WSCD1: variants seen among roughly 807,000 people sequenced by gnomAD.
WSCD1 encodes WSC domain sialate O sulfotransferase 1.
A neutral mutation model predicts 60.4 loss-of-function variants in WSCD1; 41 were observed. The observed-to-expected ratio is 0.68, with a 90% CI of 0.53 to 0.88. The LOEUF (loss-of-function observed/expected upper bound fraction) is 0.88. Ranked by LOEUF, WSCD1 falls within the 40% of genes least tolerant of loss-of-function variation. WSCD1 has a pLI of 0.00. For missense variants in WSCD1, 784 were observed against 796.2 expected, an observed-to-expected ratio of 0.98 and a Z score of 0.18; for synonymous variants, 361 against 332.5, an observed-to-expected ratio of 1.09 and a Z score of -0.93.
intron 5 of WSCD1, among the ~76,000 whole-genome samples, chr17:6,096,115 C>T (rs150099178): frequency 1.7e-4 from 26 of 152,282 alleles, no homozygotes; most frequent in Admixed American, 1.3e-3. Context: ...CTGTTCCAAG[C>T]GCTTTATGGG....
At chr17:6,106,542 T>C (rs1597367049) in intron 5 of WSCD1, among the ~76,000 whole-genome samples, 2 of 152,294 alleles carry the variant, frequency 1.3e-5, no homozygotes, top group South Asian at 4.1e-4. Context: ...TATATGACAT[T>C]CCAGTATAGA....
Position 6,110,500 on chromosome 17 carries a change from A to G in WSCD1, c.1010-271A>G, listed in dbSNP as rs1911348605. Among the ~76,000 whole-genome samples the G allele has an allele frequency of 6.6e-6, 1 of 152,162 alleles. No individual in the cohort carries two copies. The highest frequency in any genetic ancestry group is 6.5e-5 in the Admixed American group (1 of 15,280). On this transcript the variant is annotated intron_variant, in intron 6 of 8. Coordinates refer to ENST00000317744, the MANE Select transcript of WSCD1 (RefSeq NM_015253.2). The surrounding 1 kb of genome is among the most constrained non-coding windows in gnomAD (Gnocchi z 4.8). ...CAAGAGTTTGGCTGTGGCCATAGAG[A>G]CAGAATGGGAGTCGAGGGTCCATAG...
Position 6,100,741 on chromosome 17 carries a change from C to CG in WSCD1, c.849+5518_849+5519insG, listed in dbSNP as rs1910750193. Among the ~76,000 whole-genome samples the CG allele has an allele frequency of 7.9e-5, 12 of 152,334 alleles. No individual in the cohort carries two copies. In the South Asian group the frequency reaches 2.5e-3, roughly 32 times the overall value. ...TAGATGCCAACAGCCCATATTCCCT[C>CG]AGTTGTGACACACAGTCCCCACACA... On this transcript the variant is annotated intron_variant, in intron 5 of 8. Coordinates refer to ENST00000317744, the MANE Select transcript of WSCD1 (RefSeq NM_015253.2).
chr17:6,117,418 A>G (rs1904353927), intron 7 of WSCD1, among the ~76,000 whole-genome samples: 1 of 152,190 alleles, frequency 6.6e-6, no homozygotes, highest in Non-Finnish European at 1.5e-5. Flanking sequence ...ACCTGCTCAC[A>G]GCCATTGAAT....
In WSCD1 at chr17:6,075,510, C is replaced by T. The variant is rs1289692799; in HGVS notation, c.-289+4858C>T. Among the ~76,000 whole-genome samples, 7 of 152,156 alleles carry T rather than the reference C, an allele frequency of 4.6e-5. No individual in the cohort carries two copies. Among genetic ancestry groups the T allele is most frequent in the Admixed American group, 2.6e-4 (4 of 15,284 alleles). ...TCAGGCTGGGCAGTTGCTGCTCCCT[C>T]GGTCCCAGATGGCAACAAAGTAATA... On this transcript the variant is annotated intron_variant, in intron 1 of 8. Transcript: ENST00000317744. This position sits in a 1 kb window ranked among gnomAD's most constrained non-coding sequence, Gnocchi z 4.1.
At chr17:6,090,634 T>C (rs1909973176) in intron 4 of WSCD1, 129 bp downstream of exon 4, 5 of 1,277,074 alleles carry the variant, frequency 3.9e-6, no homozygotes, top group Middle Eastern at 5.2e-4. Flanking sequence ...CCCTTCCCTA[T>C]TGCCATCACT....
In WSCD1 at chr17:6,102,284, T is replaced by A. The variant is rs1033271957; in HGVS notation, c.849+7061T>A. On this transcript the variant is annotated intron_variant, in intron 5 of 8. Transcript: ENST00000317744. ...CTGCTCTTGCAAAATCCACTTGGATTCCAATAGATTCGGTCTATCCAAGGT... is the reference window on the plus strand; with the variant it reads ...CTGCTCTTGCAAAATCCACTTGGATACCAATAGATTCGGTCTATCCAAGGT... Among the ~76,000 whole-genome samples, 7 of 152,256 alleles carry A rather than the reference T, an allele frequency of 4.6e-5. 1 individual carries two copies. The highest frequency in any genetic ancestry group is 4.6e-4 in the Admixed American group (7 of 15,286).
At chr17:6,098,718 T>C (rs1323614296) in intron 5 of WSCD1, among the ~76,000 whole-genome samples, 2 of 152,176 alleles carry the variant, frequency 1.3e-5, no homozygotes, top group African/African-American at 4.8e-5. Flanking sequence ...TTTGCAGCTG[T>C]GAGGAACAGA....
chr17:6,069,425 GTGTGAGAGAGA>G (rs1567546275), upstream of WSCD1: 22 of 232,448 alleles, frequency 9.5e-5, no homozygotes, highest in African/African-American at 9.1e-4. Flanking sequence ...GTGTGTGTGT[GTGTGAGAGAGA>G]GAGAGAGAGA....
chr17:6,080,343 A>T lies in WSCD1; in HGVS notation c.-288-28A>T. On this transcript the variant is annotated intron_variant, in intron 1 of 8. Coordinates refer to ENST00000317744, the MANE Select transcript of WSCD1 (RefSeq NM_015253.2). This position sits in a 1 kb window ranked among gnomAD's most constrained non-coding sequence, Gnocchi z 6.6. ...GCCAGGTAGTGGACCCGCCTATTAC[A>T]TCTCGGTGCTCTTTCTCCACCTTCC... is the stretch of plus-strand genomic sequence containing the variant. The T allele has an allele frequency of 2.5e-6, 1 of 396,070 alleles. No individual in the cohort carries two copies. The highest frequency in any genetic ancestry group is 3.0e-5 in the South Asian group (1 of 33,510). 24.5% of individuals were successfully genotyped at this position (396,070 alleles called of 1,614,324 possible).
At chr17:6,094,814 G>GGAAGGAAT in intron 4 of WSCD1, among the ~76,000 whole-genome samples, 1 of 152,052 alleles carries the variant, frequency 6.6e-6, no homozygotes, top group Non-Finnish European at 1.5e-5. Flanking sequence ...GAGGAAGGGA[G>GGAAGGAAT]GAAGGAATGA....
At chr17:6,084,108 G>A (rs1174181826) in intron 2 of WSCD1, among the ~76,000 whole-genome samples, 2 of 152,184 alleles carry the variant, frequency 1.3e-5, no homozygotes, top group African/African-American at 4.8e-5. Flanking sequence ...TGCCTCCCCA[G>A]TGGCTCCCAG....
chr17:6,099,839 C>T (rs1364260934), intron 5 of WSCD1, among the ~76,000 whole-genome samples: 4 of 152,172 alleles, frequency 2.6e-5, no homozygotes, highest in Admixed American at 2.6e-4. Flanking sequence ...CCCCCTCCCT[C>T]TGTCTCTGTA....
rs1904804549 is a variant in WSCD1, at chr17:6,122,944, A to C, written c.*2283A>C. On this transcript the variant is annotated 3_prime_UTR_variant, in exon 9 of 9. Transcript: ENST00000317744. ...ACTTGGCAGGTACTCCTGGATGTTG[A>C]TGAGCAAGGAAGAGCAACGGCCCTG... 6.6e-6 allele frequency: 1 copy of C among 152,264 alleles called. No individual in the cohort carries two copies. The highest frequency in any genetic ancestry group is 2.1e-4 in the South Asian group (1 of 4,828). 9.4% of individuals were successfully genotyped at this position (152,264 alleles called of 1,614,324 possible).
At chr17:6,086,250 C>CAT (rs61690560) in intron 2 of WSCD1, among the ~76,000 whole-genome samples, 7,290 of 98,032 alleles carry the variant, frequency 0.074, 819 homozygotes, top group Middle Eastern at 0.12. Flanking sequence ...GTCCTGACTT[C>CAT]ATATATATAT....
intron 4 of WSCD1, 136 bp from the exon 5 acceptor site, chr17:6,094,966 T>G: frequency 7.4e-5 from 100 of 1,344,024 alleles, no homozygotes; most frequent in Middle Eastern, 2.7e-4. Flanking sequence ...GCAGGGCCGT[T>G]TTCCCTCCCT....
At position 6,088,178 on chromosome 17, in the gene WSCD1, T is replaced by C; in HGVS notation, c.542+74T>C. On this transcript the variant is annotated intron_variant, in intron 3 of 8. Coordinates refer to ENST00000317744, the MANE Select transcript of WSCD1 (RefSeq NM_015253.2). ...GGGACAGTTCCAGAATGAGGAGGCA[T>C]ATCAGCTACCAGTTGGCTGTCATAG... is the stretch of plus-strand genomic sequence containing the variant. The C allele has an allele frequency of 4.7e-6, 6 of 1,280,736 alleles. No homozygotes were observed. The South Asian group carries it at 6.3e-5, about 13-fold the overall frequency. 79.3% of individuals were successfully genotyped at this position (1,280,736 alleles called of 1,614,324 possible). A position where few individuals can be genotyped will look rare whatever the true frequency, so the allele number is the denominator to read the frequency against.
At chr17:6,083,846 G>A (rs1436551795) in intron 2 of WSCD1, among the ~76,000 whole-genome samples, 1 of 152,108 alleles carries the variant, frequency 6.6e-6, no homozygotes, top group Non-Finnish European at 1.5e-5. Flanking sequence ...GCTCAGCCCT[G>A]ACTGCAGAGT....
intron 2 of WSCD1, among the ~76,000 whole-genome samples, chr17:6,085,643 G>A (rs1909587811): frequency 6.6e-6 from 1 of 152,182 alleles, no homozygotes; most frequent in African/African-American, 2.4e-5. Flanking sequence ...GTCTGGGAAG[G>A]TCTTGAGCCC....
Sources: gnomAD v4.1 joint callset for allele counts (sites outside exome capture counted in the v4.1 genomes callset) on GRCh38, gnomAD v4.1.1 for gene constraint, Gnocchi (gnomAD v3.1) non-coding constraint, MANE v1.5 for transcripts, NCBI Gene and HGNC (gene_info 2026-07-23, HGNC 2026-07-21) for gene names.